Variants in KCNH7 observed in about 807,000 individuals in gnomAD.
KCNH7 encodes voltage-gated inwardly rectifying potassium channel KCNH7.
Under a neutral mutation model 120.8 loss-of-function variants are expected in KCNH7, and 49 were observed. The observed-to-expected ratio is 0.41, with a 90% confidence interval of 0.32 to 0.51. The LOEUF is 0.51. KCNH7 is among the 20% of genes least tolerant of loss of function. The pLI is 0.38. For synonymous variants in KCNH7, 547 were observed against 516.1 expected, an observed-to-expected ratio of 1.06 and a Z score of -0.81; for missense variants, 1,097 against 1,446.6, an observed-to-expected ratio of 0.76 and a Z score of 3.92.
chr2:162,666,980 T>C, intron 2 of KCNH7, among the ~76,000 whole-genome samples: 1 of 151,870 alleles, frequency 6.6e-6, no homozygotes, highest in East Asian at 1.9e-4. Context: ...CACTCTTTCG[T>C]CAGAACTATA....
chr2:162,685,244 A>G (rs7578658), intron 2 of KCNH7, among the ~76,000 whole-genome samples: 2,821 of 152,172 alleles, frequency 0.019, 280 homozygotes, highest in Admixed American at 0.17. Flanking sequence ...TACCTAACAT[A>G]GATAACAGGT....
chr2:162,812,467 C>G (rs1684764914), intron 2 of KCNH7, among the ~76,000 whole-genome samples: 3 of 151,954 alleles, frequency 2.0e-5, no homozygotes, highest in Non-Finnish European at 2.9e-5. Context: ...CACAAACCCA[C>G]AGGATGATAA....
At chr2:162,757,183 T>C (rs974898717) in intron 2 of KCNH7, among the ~76,000 whole-genome samples, 2 of 152,198 alleles carry the variant, frequency 1.3e-5, no homozygotes, top group Non-Finnish European at 2.9e-5. Context: ...TGGAATAAAG[T>C]ACTGAGGTAA....
At chr2:162,625,596 A>G (rs1683524710) in intron 2 of KCNH7, among the ~76,000 whole-genome samples, 1 of 152,294 alleles carries the variant, frequency 6.6e-6, no homozygotes, top group Middle Eastern at 3.4e-3. Context: ...ATTTAAAAAT[A>G]GAATTGGGTA....
intron 2 of KCNH7, among the ~76,000 whole-genome samples, chr2:162,807,491 G>A (rs1328798368): frequency 6.6e-6 from 1 of 151,612 alleles, no homozygotes; most frequent in Non-Finnish European, 1.5e-5. Context: ...TTACCTCTAG[G>A]GCTTAATTTC....
At chr2:162,759,078 TG>T (rs1688882824) in intron 2 of KCNH7, among the ~76,000 whole-genome samples, 1 of 152,120 alleles carries the variant, frequency 6.6e-6, no homozygotes, top group Non-Finnish European at 1.5e-5. Flanking sequence ...CTTTCCCAGA[TG>T]GGTAGCTAAA....
At position 162,418,893 on chromosome 2, in the gene KCNH7, A is replaced by G. The variant is rs551249433; in HGVS notation, c.2154+4443T>C. Among the ~76,000 whole-genome samples the G allele has an allele frequency of 3.3e-5, 5 of 152,230 alleles. No individual in the cohort carries two copies. The South Asian group carries it at 8.3e-4, about 25-fold the overall frequency. On this transcript the variant is annotated intron_variant, in intron 9 of 15. Coordinates refer to ENST00000332142, the MANE Select transcript of KCNH7 (RefSeq NM_033272.4). ...TTGACTGGCTTTGTTCATAGGGTCCATTACAGGTCTATGCTGTGTCACTCA... is the reference window on the plus strand; with the variant it reads ...TTGACTGGCTTTGTTCATAGGGTCCGTTACAGGTCTATGCTGTGTCACTCA...
chr2:162,743,530 G>T (rs1688210326), intron 2 of KCNH7, among the ~76,000 whole-genome samples: 3 of 152,048 alleles, frequency 2.0e-5, no homozygotes, highest in Non-Finnish European at 4.4e-5. Flanking sequence ...GTAAAACTTG[G>T]TTAAGAACTG....
intron 7 of KCNH7, among the ~76,000 whole-genome samples, 180 bp from the exon 8 acceptor site, chr2:162,435,777 A>G (rs997153069): frequency 6.6e-6 from 1 of 152,002 alleles, no homozygotes; most frequent in South Asian, 2.1e-4. Flanking sequence ...TTTGGAAAAT[A>G]CTTTGAAAGT....
At chr2:162,378,555 G>C (rs1686294958) in intron 14 of KCNH7, among the ~76,000 whole-genome samples, 1 of 152,170 alleles carries the variant, frequency 6.6e-6, no homozygotes, top group Non-Finnish European at 1.5e-5. Context: ...TGTTAAACAT[G>C]GCAGAATTCA....
At chr2:162,793,900 G>T (rs1488923646) in intron 2 of KCNH7, among the ~76,000 whole-genome samples, 1 of 151,866 alleles carries the variant, frequency 6.6e-6, no homozygotes, top group Non-Finnish European at 1.5e-5. Context: ...GTGTTGTGTT[G>T]TGTACTTGAA....
intron 2 of KCNH7, among the ~76,000 whole-genome samples, chr2:162,816,003 A>G (rs1027019625): frequency 2.0e-5 from 3 of 152,126 alleles, no homozygotes; most frequent in African/African-American, 7.2e-5. Flanking sequence ...CCACACCTAT[A>G]ATCCCAGCAC....
chr2:162,445,045 C>A (rs1465877464), intron 7 of KCNH7, among the ~76,000 whole-genome samples: 1 of 152,064 alleles, frequency 6.6e-6, no homozygotes, highest in Non-Finnish European at 1.5e-5. Flanking sequence ...TTGCCCTGCT[C>A]TTAACTGACT....
chr2:162,534,693 C>T (rs900861649), intron 3 of KCNH7, among the ~76,000 whole-genome samples: 2 of 151,558 alleles, frequency 1.3e-5, no homozygotes, highest in Non-Finnish European at 3.0e-5. Flanking sequence ...CTAGATAATC[C>T]TCAAACTATT....
chr2:162,372,670 AGAACGTCTTAAATTAAATT>A, intron 15 of KCNH7, among the ~76,000 whole-genome samples: 1 of 152,126 alleles, frequency 6.6e-6, no homozygotes, highest in African/African-American at 2.4e-5. Context: ...TTCATTTTCC[AGAACGTCTTAAATTAAATT>A]CCCGAACATC....
chr2:162,631,870 A>G (rs1455801334), intron 2 of KCNH7, among the ~76,000 whole-genome samples: 3 of 152,072 alleles, frequency 2.0e-5, no homozygotes, highest in African/African-American at 7.2e-5. Context: ...TCTGTTTTAA[A>G]GTGTTATGAA....
At chr2:162,813,861 T>C (rs1034836913) in intron 2 of KCNH7, among the ~76,000 whole-genome samples, 1 of 152,196 alleles carries the variant, frequency 6.6e-6, no homozygotes, top group Non-Finnish European at 1.5e-5. Context: ...TAAGTGAACA[T>C]GATACAATAG....
At chr2:162,415,523 GTT>G (rs940692058) in intron 9 of KCNH7, among the ~76,000 whole-genome samples, 3 of 152,092 alleles carry the variant, frequency 2.0e-5, no homozygotes, top group African/African-American at 7.2e-5. Context: ...TTATTTTACT[GTT>G]TGATAATTTA....
chr2:162,717,780 GA>G (rs1247573232), intron 2 of KCNH7, among the ~76,000 whole-genome samples: 1 of 152,036 alleles, frequency 6.6e-6, no homozygotes, highest in Non-Finnish European at 1.5e-5. Context: ...TTGAGTGAAT[GA>G]ATGAATGAAT....
Sources: gnomAD v4.1 joint callset for allele counts (sites outside exome capture counted in the v4.1 genomes callset) on GRCh38, gnomAD v4.1.1 for gene constraint, MANE v1.5 for transcripts, NCBI Gene and HGNC (gene_info 2026-07-23, HGNC 2026-07-21) for gene names.